CYP19A1: variants seen among roughly 807,000 people sequenced by gnomAD.
CYP19A1 encodes the protein cytochrome P450 family 19 subfamily A member 1, also known as aromatase.
CYP19A1 carries 32 observed loss-of-function variants against 44.4 expected under a neutral mutation model. That is an observed-to-expected ratio of 0.72 (90% CI 0.54 to 0.97). The LOEUF is 0.97. CYP19A1 is among the 50% of genes least tolerant of loss of function. The pLI, the probability that CYP19A1 is intolerant of heterozygous loss-of-function variation, is 0.00. For missense variants in CYP19A1, 598 were observed against 637.8 expected, an observed-to-expected ratio of 0.94 and a Z score of 0.67; for synonymous variants, 212 against 215.6, an observed-to-expected ratio of 0.98 and a Z score of 0.14.
At chr15:51,255,242 A>C (rs1223192915) in intron 1 of CYP19A1, among the ~76,000 whole-genome samples, 1 of 152,174 alleles carries the variant, frequency 6.6e-6, no homozygotes, top group Admixed American at 6.5e-5. Context: ...TTGGGGGCAA[A>C]CGCTATTTGT....
At chr15:51,276,378 C>T (rs1192095864) in intron 1 of CYP19A1, among the ~76,000 whole-genome samples, 2 of 152,280 alleles carry the variant, frequency 1.3e-5, no homozygotes, top group East Asian at 1.9e-4. Flanking sequence ...CACAGTGACT[C>T]GATTTGCAAA....
chr15:51,290,382 C>T (rs1858674282), intron 1 of CYP19A1, among the ~76,000 whole-genome samples: 1 of 152,158 alleles, frequency 6.6e-6, no homozygotes, highest in African/African-American at 2.4e-5. Flanking sequence ...AAAAGAATGC[C>T]TTCTGACCAC....
intron 1 of CYP19A1, among the ~76,000 whole-genome samples, chr15:51,291,864 T>G (rs2035854682): frequency 6.6e-6 from 1 of 152,122 alleles, no homozygotes; most frequent in Non-Finnish European, 1.5e-5. Context: ...AGAGGTAACT[T>G]GGAGAGGGTC....
rs1236444600 is a variant in CYP19A1 at position 51,218,370 on chromosome 15, A to G, written c.743+171T>C. 4 of 1,040,342 alleles carry G rather than the reference A, an allele frequency of 3.8e-6. No homozygotes were observed. The East Asian group carries it at 1.1e-4, about 29-fold the overall frequency. 64.4% of individuals were successfully genotyped at this position (1,040,342 alleles called of 1,614,324 possible). On this transcript the variant is annotated intron_variant, in intron 6 of 9. Coordinates refer to ENST00000396402, the MANE Select transcript of CYP19A1 (RefSeq NM_000103.4). ...TTCATTTACTCTCTGGTCTGGCCAA[A>G]TGCAGCCAAATTGCTGTAAAAAGTG...
chr15:51,237,687 A>G (rs1003881335), intron 2 of CYP19A1, among the ~76,000 whole-genome samples: 1 of 152,242 alleles, frequency 6.6e-6, no homozygotes, highest in African/African-American at 2.4e-5. Context: ...TTTGAGTCCC[A>G]TGATCTGGTT....
intron 1 of CYP19A1, among the ~76,000 whole-genome samples, chr15:51,247,245 CT>C (rs1337072526): frequency 6.6e-6 from 1 of 152,052 alleles, no homozygotes; most frequent in African/African-American, 2.4e-5. Flanking sequence ...CTTTATTCTC[CT>C]TTTGAGAACT....
chr15:51,229,464 C>G (rs1380708780), intron 3 of CYP19A1, among the ~76,000 whole-genome samples: 2 of 150,236 alleles, frequency 1.3e-5, no homozygotes, highest in Admixed American at 1.3e-4. Flanking sequence ...CACCTATTTT[C>G]AAATAAAAAC....
At position 51,329,566 on chromosome 15, in the gene CYP19A1, T is replaced by A. The variant is rs150985890; in HGVS notation, c.-39+8929A>T. ...TACAAGGTAAACATGTATAGAGAAC[T>A]CCCTTCAAATACCACCGGGGATGAA... On this transcript the variant is annotated intron_variant, in intron 1 of 9. Coordinates refer to ENST00000396402, the MANE Select transcript of CYP19A1 (RefSeq NM_000103.4). Among the ~76,000 whole-genome samples the A allele has an allele frequency of 4.6e-5, 7 of 152,214 alleles. No homozygotes were observed. The East Asian group carries it at 1.4e-3, about 29-fold the overall frequency.
Position 51,215,178 on chromosome 15 carries a change from T to A in CYP19A1, c.913A>T (p.Ile305Phe). Residue 305 changes from isoleucine (I) to phenylalanine (F), a missense_variant, in exon 8 of 10, where the codon ATC (isoleucine) becomes TTC (phenylalanine). Ile to Phe is a conservative substitution (Grantham distance 21). Transcript: ENST00000396402. Reference protein sequence around the residue: ...NVNQCILEMLIAAPDTMSVSL... With the variant: ...NVNQCILEMLFAAPDTMSVSL... ...ACAGACATGGTGTCAGGAGCTGCGA[T>A]CAGCATTTCCAATATGCACTGGTTC... The A allele has an allele frequency of 6.2e-7, 1 of 1,614,114 alleles. No individual in the cohort carries two copies. The highest frequency in any genetic ancestry group is 8.5e-7 in the Non-Finnish European group (1 of 1,179,994).
At chr15:51,311,868 C>A (rs2036317661) in intron 1 of CYP19A1, among the ~76,000 whole-genome samples, 1 of 152,092 alleles carries the variant, frequency 6.6e-6, no homozygotes, top group East Asian at 1.9e-4. Context: ...AGTTCCTCAC[C>A]TGAAAAAAAT....
At chr15:51,244,699 A>G (rs1021049390) in intron 1 of CYP19A1, among the ~76,000 whole-genome samples, 3 of 152,214 alleles carry the variant, frequency 2.0e-5, no homozygotes, top group African/African-American at 7.2e-5. Context: ...AAATGAGGAA[A>G]GTGGTTGCAA....
intron 4 of CYP19A1, among the ~76,000 whole-genome samples, chr15:51,225,885 C>G (rs527955418): frequency 1.6e-4 from 24 of 151,886 alleles, no homozygotes; most frequent in African/African-American, 1.2e-4. Flanking sequence ...GTCAGGAGAT[C>G]GAGACCATCC....
At chr15:51,293,547 C>G (rs1031924119) in intron 1 of CYP19A1, 2 of 151,782 alleles carry the variant, frequency 1.3e-5, no homozygotes, top group African/African-American at 4.9e-5. Flanking sequence ...CTCGCTCTCC[C>G]TCTCCCTCTC....
rs942009829 is a variant in CYP19A1, at chr15:51,209,463, T to C, written c.*1345A>G. On this transcript the variant is annotated 3_prime_UTR_variant, in exon 10 of 10. Coordinates refer to ENST00000396402, the MANE Select transcript of CYP19A1 (RefSeq NM_000103.4). ...TCAAATGGGATGGCAATGGATTCAA[T>C]GACAAATATTTACCTATTTGTAAAT... 5.3e-5 allele frequency: 8 copies of C among 152,254 alleles called. No individual in the cohort carries two copies. The highest frequency in any genetic ancestry group is 1.9e-4 in the African/African-American group (8 of 41,470). The allele number at this position is 152,254 out of a possible 1,614,324, so 9.4% of individuals were successfully genotyped here. A position where few individuals can be genotyped will look rare whatever the true frequency, so the allele number is the denominator to read the frequency against.
At chr15:51,220,143 G>C (rs1277124529) in intron 5 of CYP19A1, among the ~76,000 whole-genome samples, 1 of 152,226 alleles carries the variant, frequency 6.6e-6, no homozygotes, top group Non-Finnish European at 1.5e-5. Context: ...CGCCTGGAGT[G>C]TTCTTCCCTC....
intron 1 of CYP19A1, among the ~76,000 whole-genome samples, chr15:51,317,412 G>A (rs2036447463): frequency 6.6e-6 from 1 of 152,146 alleles, no homozygotes; most frequent in Admixed American, 6.5e-5. Context: ...CCCGGCAAGA[G>A]AAAAATCACT....
At chr15:51,322,177 C>T (rs1373087287) in intron 1 of CYP19A1, among the ~76,000 whole-genome samples, 1 of 152,170 alleles carries the variant, frequency 6.6e-6, no homozygotes, top group East Asian at 1.9e-4. Flanking sequence ...ACCTGCGAGC[C>T]CCTGGCTGCT....
intron 1 of CYP19A1, among the ~76,000 whole-genome samples, chr15:51,276,976 A>G (rs1213498258): frequency 6.6e-6 from 1 of 152,074 alleles, no homozygotes; most frequent in Non-Finnish European, 1.5e-5. Flanking sequence ...GTCAGCATAC[A>G]GTTCAATTTA....
chr15:51,231,176 A>G (rs997800556), intron 3 of CYP19A1, among the ~76,000 whole-genome samples: 3 of 152,250 alleles, frequency 2.0e-5, no homozygotes, highest in African/African-American at 7.2e-5. Flanking sequence ...TCCTAGTACT[A>G]CTGAAGTGTT....
Sources: gnomAD v4.1 joint callset for allele counts (sites outside exome capture counted in the v4.1 genomes callset) on GRCh38, gnomAD v4.1.1 for gene constraint, MANE v1.5 for transcripts, NCBI Gene and HGNC (gene_info 2026-07-23, HGNC 2026-07-21) for gene names.